The following LIN9 variants were observed in gnomAD, a reference collection of about 807,000 sequenced individuals.
The protein encoded by LIN9 is protein lin-9 homolog.
In LIN9, 18 loss-of-function variants were observed where a neutral mutation model predicts 78.0. The ratio of observed to expected loss-of-function variants is 0.23; its 90% CI spans 0.16 to 0.34. LIN9 has a LOEUF of 0.34. Among genes scored for constraint, LIN9 ranks in the 10% least tolerant of loss-of-function variants. LIN9 has a pLI of 1.00. For synonymous variants in LIN9, 192 were observed against 215.2 expected, an observed-to-expected ratio of 0.89 and a Z score of 0.94; for missense variants, 451 against 644.1, an observed-to-expected ratio of 0.70 and a Z score of 3.25.
intron 11 of LIN9, among the ~76,000 whole-genome samples, chr1:226,240,173 G>A (rs773770357): frequency 2.0e-5 from 3 of 152,170 alleles, no homozygotes; most frequent in Non-Finnish European, 4.4e-5. Flanking sequence ...TATTAATGAT[G>A]TGCTGATTAC....
chr1:226,275,112 G>T (rs1223792223), intron 7 of LIN9, among the ~76,000 whole-genome samples: 1 of 151,922 alleles, frequency 6.6e-6, no homozygotes, highest in Non-Finnish European at 1.5e-5. Flanking sequence ...AGATCTTTTC[G>T]ATCCCATCAC....
At chr1:226,301,027 T>A (rs1034138786) in intron 2 of LIN9, 146 bp downstream of exon 2, 1 of 468,250 alleles carries the variant, frequency 2.1e-6, no homozygotes, top group African/African-American at 2.0e-5. Context: ...TATAAAAGCA[T>A]ATTAATTTAA....
intron 7 of LIN9, among the ~76,000 whole-genome samples, chr1:226,276,784 A>G (rs1331827572): frequency 6.6e-6 from 1 of 152,146 alleles, no homozygotes; most frequent in African/African-American, 2.4e-5. Context: ...TGCCTTCACC[A>G]AGTAATTAAG....
At chr1:226,285,225 A>G (rs1328058849) in intron 6 of LIN9, among the ~76,000 whole-genome samples, 2 of 152,174 alleles carry the variant, frequency 1.3e-5, no homozygotes, top group African/African-American at 4.8e-5. Flanking sequence ...GTGTAACTCA[A>G]TTTGCTCAAA....
At chr1:226,296,727 T>TAA (rs1662172539) in intron 3 of LIN9, among the ~76,000 whole-genome samples, 1 of 152,050 alleles carries the variant, frequency 6.6e-6, no homozygotes, top group South Asian at 2.1e-4. Context: ...CCCTTGAAAT[T>TAA]AAACCCACTC....
At chr1:226,266,975 T>C (rs921570641) in intron 8 of LIN9, among the ~76,000 whole-genome samples, 1 of 151,916 alleles carries the variant, frequency 6.6e-6, no homozygotes, top group Non-Finnish European at 1.5e-5. Context: ...AGATGGGGTT[T>C]CACCATGTTG....
chr1:226,255,853 A>G (rs1659156751), intron 10 of LIN9, among the ~76,000 whole-genome samples: 1 of 152,206 alleles, frequency 6.6e-6, no homozygotes, highest in African/African-American at 2.4e-5. Context: ...AGAATGTCCA[A>G]GGATTGTGGG....
At chr1:226,267,530 T>A (rs1270197399) in intron 8 of LIN9, among the ~76,000 whole-genome samples, 1 of 151,854 alleles carries the variant, frequency 6.6e-6, no homozygotes, top group Non-Finnish European at 1.5e-5. Flanking sequence ...AGTTTCATCA[T>A]GCAAAAGTGA....
At chr1:226,269,873 G>T (rs1371111197) in intron 7 of LIN9, among the ~76,000 whole-genome samples, 1 of 152,222 alleles carries the variant, frequency 6.6e-6, no homozygotes, top group East Asian at 1.9e-4. Context: ...GGCTTTTCCC[G>T]ATCAAGATGT....
chr1:226,278,068 C>T (rs1460171061), intron 6 of LIN9, 136 bp from the exon 7 acceptor site: 4 of 627,248 alleles, frequency 6.4e-6, no homozygotes, highest in Non-Finnish European at 1.1e-5. Context: ...TCTTGGCTCA[C>T]TGCAACCTCC....
chr1:226,301,309 T>C (rs1479104061), intron 1 of LIN9, 104 bp from the exon 2 acceptor site: 2 of 791,876 alleles, frequency 2.5e-6, no homozygotes, highest in Non-Finnish European at 4.1e-6. Flanking sequence ...TTAGTAATGT[T>C]GAGTTTGAAG....
chr1:226,288,825 T>C (rs932592168), intron 4 of LIN9, among the ~76,000 whole-genome samples: 3 of 152,236 alleles, frequency 2.0e-5, no homozygotes, highest in Non-Finnish European at 2.9e-5. Flanking sequence ...CCTATATATA[T>C]CATTTCCCAT....
chr1:226,232,046 T>C lies in LIN9; in HGVS notation c.*455A>G, dbSNP rs767140495. 2 of 398,448 alleles carry C rather than the reference T, an allele frequency of 5.0e-6. No individual in the cohort carries two copies. Among genetic ancestry groups the C allele is most frequent in the African/African-American group, 4.1e-5 (2 of 48,610 alleles). The allele number at this position is 398,448 out of a possible 1,614,324, so 24.7% of individuals were successfully genotyped here. A position where few individuals can be genotyped will look rare whatever the true frequency, so the allele number is the denominator to read the frequency against. On this transcript the variant is annotated 3_prime_UTR_variant, in exon 15 of 15. Transcript: ENST00000681046. Reference sequence around the variant, plus strand: ...TGATGTTATCTTTTGAAGACTGAGATGGTGATCAACTAAATCAAGTGGAGT... The same window carrying C: ...TGATGTTATCTTTTGAAGACTGAGACGGTGATCAACTAAATCAAGTGGAGT...
At chr1:226,247,014 G>A (rs1390359351) in intron 11 of LIN9, among the ~76,000 whole-genome samples, 2 of 151,254 alleles carry the variant, frequency 1.3e-5, no homozygotes, top group South Asian at 2.1e-4. Flanking sequence ...CCTATTTATC[G>A]TCTCTTCTCT....
chr1:226,244,233 C>T (rs538177699), intron 11 of LIN9, among the ~76,000 whole-genome samples: 5 of 150,872 alleles, frequency 3.3e-5, no homozygotes, highest in Admixed American at 6.6e-5. Context: ...GAGTTAAAGA[C>T]TAGCCTGGCC....
intron 11 of LIN9, among the ~76,000 whole-genome samples, chr1:226,239,719 TAG>T (rs983566754): frequency 3.9e-4 from 60 of 152,308 alleles, no homozygotes; most frequent in African/African-American, 1.4e-3. Flanking sequence ...GCTTCCCACA[TAG>T]AAGATGCTCA....
intron 6 of LIN9, among the ~76,000 whole-genome samples, chr1:226,281,127 G>A (rs1043867343): frequency 1.3e-5 from 2 of 152,150 alleles, no homozygotes; most frequent in Non-Finnish European, 2.9e-5. Context: ...CAACATAGAT[G>A]ATATTGGAAG....
At position 226,260,216 on chromosome 1, in the gene LIN9, C is replaced by T. The variant is rs1400193395; in HGVS notation, c.1038+5317G>A. Among the ~76,000 whole-genome samples the T allele has an allele frequency of 2.0e-5, 3 of 152,248 alleles. No homozygotes were observed. In the South Asian group the frequency reaches 6.2e-4, roughly 32 times the overall value. On this transcript the variant is annotated intron_variant, in intron 10 of 14. Coordinates refer to ENST00000681046, the MANE Select transcript of LIN9 (RefSeq NM_001366245.2). ...AATTAACCTTCCAAAACAGATAGCA[C>T]CAGGCCCAGATGGGTTCACTAAGGA... is the stretch of plus-strand genomic sequence containing the variant.
intron 2 of LIN9, 29 bp downstream of exon 2, chr1:226,301,144 G>C (rs771863678): frequency 3.2e-6 from 5 of 1,542,828 alleles, no homozygotes; most frequent in Non-Finnish European, 4.4e-6. Flanking sequence ...TTTTAGCTAT[G>C]GTATACCTAA....
Sources: gnomAD v4.1 joint callset for allele counts (sites outside exome capture counted in the v4.1 genomes callset) on GRCh38, gnomAD v4.1.1 for gene constraint, MANE v1.5 for transcripts, NCBI Gene and HGNC (gene_info 2026-07-23, HGNC 2026-07-21) for gene names.